The following ROBO2 variants were observed in gnomAD, a reference collection of about 807,000 sequenced individuals.
ROBO2 encodes roundabout homolog 2.
Under a neutral mutation model 160.8 loss-of-function variants are expected in ROBO2, and 53 were observed. The observed-to-expected ratio is 0.33, with a 90% confidence interval of 0.26 to 0.41. The LOEUF (loss-of-function observed/expected upper bound fraction) is 0.41. Among genes scored for constraint, ROBO2 ranks in the 10% least tolerant of loss-of-function variants. The pLI is 1.00. For synonymous variants in ROBO2, 664 were observed against 611.7 expected, an observed-to-expected ratio of 1.09 and a Z score of -1.26; for missense variants, 1,577 against 1,722.4, an observed-to-expected ratio of 0.92 and a Z score of 1.49.
At position 77,445,794 on chromosome 3, in the gene ROBO2, G is replaced by GTTT. The variant is rs199914360; in HGVS notation, c.389-31605_389-31603dup. On this transcript the variant is annotated intron_variant, in intron 2 of 25. Coordinates refer to ENST00000461745, the Ensembl canonical transcript of ROBO2. ...TTAAACAATTAAAAGGTTTTTTTTT[G>GTTT]TTTTTTTTTTTTTTTTTGCTAATTT... is the stretch of plus-strand genomic sequence containing the variant. Among the ~76,000 whole-genome samples, 436 of 123,068 alleles carry GTTT rather than the reference G, an allele frequency of 3.5e-3. 5 individuals carry two copies. The highest frequency in any genetic ancestry group is 0.013 in the African/African-American group (417 of 31,448). 80.7% of individuals were successfully genotyped at this position (123,068 alleles called of 152,430 possible). A position where few individuals can be genotyped will look rare whatever the true frequency, so the allele number is the denominator to read the frequency against.
At chr3:76,122,641 G>C (rs1275729789) in intron 2 of ROBO2, among the ~76,000 whole-genome samples, 1 of 151,950 alleles carries the variant, frequency 6.6e-6, no homozygotes. Flanking sequence ...AAGTTTATTA[G>C]TTATGTTATT....
At chr3:77,575,071 A>G (rs1172130190) in intron 14 of ROBO2, among the ~76,000 whole-genome samples, 3 of 152,104 alleles carry the variant, frequency 2.0e-5, no homozygotes, top group African/African-American at 4.8e-5. Context: ...CAGGCTGTTC[A>G]TTGTGACTAC....
chr3:77,542,516 A>G (rs1290930208), intron 6 of ROBO2, among the ~76,000 whole-genome samples: 3 of 152,230 alleles, frequency 2.0e-5, no homozygotes, highest in African/African-American at 7.2e-5. Context: ...TGTACAATAT[A>G]CATAAACATC....
intron 2 of ROBO2, among the ~76,000 whole-genome samples, chr3:76,290,039 T>G (rs535578067): frequency 6.6e-6 from 1 of 152,272 alleles, no homozygotes; most frequent in East Asian, 1.9e-4. Flanking sequence ...AAACTGTCAT[T>G]CATGGTTTGA....
chr3:76,275,576 G>A (rs150552179), intron 2 of ROBO2, among the ~76,000 whole-genome samples: 118 of 152,210 alleles, frequency 7.8e-4, no homozygotes, highest in Middle Eastern at 3.4e-3. Context: ...TTAGCAGCTC[G>A]AAGGTTCTAT....
chr3:77,200,098 G>A (rs944604950), intron 2 of ROBO2, among the ~76,000 whole-genome samples: 4 of 150,138 alleles, frequency 2.7e-5, no homozygotes, highest in Admixed American at 6.7e-5. Flanking sequence ...GTATAAAAAC[G>A]ACATTAGAAG....
At chr3:76,810,590 A>G (rs1406070919) in intron 2 of ROBO2, among the ~76,000 whole-genome samples, 1 of 152,120 alleles carries the variant, frequency 6.6e-6, no homozygotes, top group East Asian at 1.9e-4. Flanking sequence ...CTTAGGCAGC[A>G]TTCATATTTT....
chr3:76,219,390 C>A (rs1444635229), intron 2 of ROBO2, among the ~76,000 whole-genome samples: 2 of 152,146 alleles, frequency 1.3e-5, no homozygotes, highest in Non-Finnish European at 2.9e-5. Flanking sequence ...GAACAGGCAA[C>A]CTACAGCATG....
chr3:76,009,977 C>G (rs1203747484), intron 2 of ROBO2, among the ~76,000 whole-genome samples: 2 of 151,742 alleles, frequency 1.3e-5, no homozygotes, highest in Non-Finnish European at 2.9e-5. Context: ...ATTACTATTT[C>G]TTTTCTATTT....
At chr3:76,600,044 T>C (rs1656967009) in intron 2 of ROBO2, among the ~76,000 whole-genome samples, 2 of 152,256 alleles carry the variant, frequency 1.3e-5, no homozygotes, top group South Asian at 4.1e-4. Flanking sequence ...GAACTTTCAT[T>C]TAATTAGATC....
At chr3:77,014,162 T>G (rs1578254664) in intron 2 of ROBO2, among the ~76,000 whole-genome samples, 1 of 152,276 alleles carries the variant, frequency 6.6e-6, no homozygotes, top group East Asian at 1.9e-4. Flanking sequence ...AGGCTGAATT[T>G]TAGAGCGTAT....
intron 2 of ROBO2, among the ~76,000 whole-genome samples, chr3:76,246,300 T>G (rs1705614944): frequency 6.6e-6 from 1 of 152,130 alleles, no homozygotes; most frequent in Non-Finnish European, 1.5e-5. Flanking sequence ...GCTTTTCAAG[T>G]GCTAGGCAAG....
intron 2 of ROBO2, among the ~76,000 whole-genome samples, chr3:76,661,871 G>A (rs552195485): frequency 6.6e-6 from 1 of 152,182 alleles, no homozygotes; most frequent in Non-Finnish European, 1.5e-5. Flanking sequence ...ACAAGAGACA[G>A]CTTTGCAGGG....
rs556394892 is a variant in ROBO2 at position 77,235,271 on chromosome 3, C to A, written c.388+136931C>A. On this transcript the variant is annotated intron_variant, in intron 2 of 25. Transcript: ENST00000461745. ...GCATTCAATGCTATTGTTTTTAAAT[C>A]TATAAAATGAAGAATTGCTGCCTGA... Among the ~76,000 whole-genome samples, 14 of 152,048 alleles carry A rather than the reference C, an allele frequency of 9.2e-5. No individual in the cohort carries two copies. In the South Asian group the frequency reaches 2.7e-3, roughly 29 times the overall value.
At chr3:76,569,518 C>A (rs1221278695) in intron 2 of ROBO2, among the ~76,000 whole-genome samples, 1 of 152,054 alleles carries the variant, frequency 6.6e-6, no homozygotes, top group African/African-American at 2.4e-5. Flanking sequence ...AAATTATAAA[C>A]AATGAATTAT....
intron 2 of ROBO2, among the ~76,000 whole-genome samples, chr3:76,695,494 T>C (rs1171036739): frequency 6.6e-6 from 1 of 152,192 alleles, no homozygotes; most frequent in Non-Finnish European, 1.5e-5. Context: ...TAAAGAAGCT[T>C]TATAATGAGA....
intron 2 of ROBO2, among the ~76,000 whole-genome samples, chr3:76,323,745 C>A (rs1351477507): frequency 6.6e-6 from 1 of 152,204 alleles, no homozygotes; most frequent in Admixed American, 6.5e-5. Context: ...CCACGTGGTG[C>A]ATTACAAGTT....
chr3:77,302,424 C>T (rs917037291), intron 2 of ROBO2, among the ~76,000 whole-genome samples: 12 of 152,204 alleles, frequency 7.9e-5, no homozygotes, highest in East Asian at 5.8e-4. Context: ...ATTAGGTCTT[C>T]CACAGGCTTA....
At chr3:77,412,963 TC>T in intron 2 of ROBO2, among the ~76,000 whole-genome samples, 1 of 152,146 alleles carries the variant, frequency 6.6e-6, no homozygotes, top group African/African-American at 2.4e-5. Context: ...ATGCCTGTAA[TC>T]CCAGCGCTTT....
Sources: gnomAD v4.1 joint callset for allele counts (sites outside exome capture counted in the v4.1 genomes callset) on GRCh38, gnomAD v4.1.1 for gene constraint, MANE v1.5 for transcripts, NCBI Gene and HGNC (gene_info 2026-07-23, HGNC 2026-07-21) for gene names.